ZNF362: variants seen among roughly 807,000 people sequenced by gnomAD.
The protein encoded by ZNF362 is zinc finger protein 362, also known as rotund homolog.
Under a neutral mutation model 42.9 loss-of-function variants are expected in ZNF362, and 11 were observed. The ratio of observed to expected loss-of-function variants is 0.26; its 90% confidence interval spans 0.16 to 0.42. ZNF362 has a LOEUF of 0.42. Ranked by LOEUF, ZNF362 falls within the 20% of genes least tolerant of loss-of-function variation. ZNF362 has a pLI of 1.00. For synonymous variants in ZNF362, 255 were observed against 257.3 expected (o/e 0.99, Z 0.09); for missense variants, 362 against 576.2 (o/e 0.63, Z 3.81).
At chr1:33,167,770 A>G in the ZNF362 span, among the ~76,000 whole-genome samples, 1 of 152,352 alleles carries the variant, frequency 6.6e-6, no homozygotes, top group Non-Finnish European at 1.5e-5. The surrounding 1 kb of genome is among the most constrained non-coding windows in gnomAD (Gnocchi z 4.2). Context: ...GTCTAGTTCA[A>G]TTAATTTTAC....
At chr1:33,213,881 A>ACC in the ZNF362 span, among the ~76,000 whole-genome samples, 1 of 150,166 alleles carries the variant, frequency 6.7e-6, no homozygotes, top group Non-Finnish European at 1.5e-5. Flanking sequence ...ACAAAACAAA[A>ACC]AAAACAAAAC....
the ZNF362 span, among the ~76,000 whole-genome samples, chr1:33,193,305 T>A: frequency 1.3e-5 from 2 of 152,208 alleles, no homozygotes; most frequent in African/African-American, 2.4e-5. Flanking sequence ...GCAGTGATGT[T>A]TGGGGGAACC....
chr1:33,216,361 G>C, the ZNF362 span, among the ~76,000 whole-genome samples: 7 of 146,512 alleles, frequency 4.8e-5, no homozygotes, highest in Admixed American at 3.5e-4. Flanking sequence ...CAGCATTTTG[G>C]GAGGCTGAAG....
At chr1:33,222,848 A>G in the ZNF362 span, among the ~76,000 whole-genome samples, 1 of 151,958 alleles carries the variant, frequency 6.6e-6, no homozygotes, top group African/African-American at 2.4e-5. Flanking sequence ...TTGAATTCCC[A>G]TGTGTTGTGA....
the ZNF362 span, among the ~76,000 whole-genome samples, chr1:33,141,171 C>T: frequency 6.6e-6 from 1 of 152,042 alleles, no homozygotes; most frequent in Non-Finnish European, 1.5e-5. Context: ...TTGCCCCCTC[C>T]TTCTCCTCTC....
At chr1:33,146,101 A>G in the ZNF362 span, 2 of 297,024 alleles carry the variant, frequency 6.7e-6, 1 homozygote, top group South Asian at 5.6e-5. Context: ...GTCACAACAG[A>G]CATGATGAAT....
At chr1:33,132,402 CTG>C in the ZNF362 span, among the ~76,000 whole-genome samples, 2 of 152,258 alleles carry the variant, frequency 1.3e-5, no homozygotes, top group Non-Finnish European at 2.9e-5. Flanking sequence ...TTGGACATGG[CTG>C]TGTTTCAGTG....
At chr1:33,192,771 C>T in the ZNF362 span, among the ~76,000 whole-genome samples, 1 of 152,098 alleles carries the variant, frequency 6.6e-6, no homozygotes, top group Non-Finnish European at 1.5e-5. Flanking sequence ...ACAACCTGCA[C>T]CTACATCTGA....
At chr1:33,173,192 C>T in the ZNF362 span, among the ~76,000 whole-genome samples, 8 of 152,286 alleles carry the variant, frequency 5.3e-5, no homozygotes, top group African/African-American at 1.9e-4. Context: ...GAGCCCCAAC[C>T]CTCCCTGTGC....
chr1:33,193,423 C>G, the ZNF362 span, among the ~76,000 whole-genome samples: 1 of 152,116 alleles, frequency 6.6e-6, no homozygotes, highest in African/African-American at 2.4e-5. Flanking sequence ...CACAGGACTT[C>G]TATAGAAAAC....
chr1:33,183,910 G>C, the ZNF362 span, among the ~76,000 whole-genome samples: 722 of 152,258 alleles, frequency 4.7e-3, 2 homozygotes, highest in South Asian at 5.4e-3. Flanking sequence ...GCATAAGCCA[G>C]TTTAACAGTA....
Position 33,275,166 on chromosome 1 carries a change from C to T in ZNF362, c.39-934C>T, listed in dbSNP as rs548233197. 5 of 985,286 alleles carry T rather than the reference C, an allele frequency of 5.1e-6. No individual in the cohort carries two copies. The African/African-American group carries it at 8.7e-5, about 17-fold the overall frequency. The allele number at this position is 985,286 out of a possible 1,614,324, so 61.0% of individuals were successfully genotyped here. On this transcript the variant is annotated intron_variant, in intron 2 of 8. Transcript: ENST00000539719. ...GACAGGGAGCAAGACTTAATGGAAA[C>T]CCTCTGTGAGGCATGGTCCCTGTAA...
chr1:33,236,546 A>AT, the ZNF362 span, among the ~76,000 whole-genome samples: 236 of 7,262 alleles, frequency 0.032, 4 homozygotes, highest in African/African-American at 0.048. Context: ...AAAAAAAAAA[A>AT]AAAAATATAT....
At chr1:33,159,749 C>T in the ZNF362 span, 1 of 1,613,308 alleles carries the variant, frequency 6.2e-7, no homozygotes, top group Non-Finnish European at 8.5e-7. This position sits in a 1 kb window ranked among gnomAD's most constrained non-coding sequence, Gnocchi z 4.2. Flanking sequence ...GCCAGCCGCT[C>T]CTGCAGGATC....
intron 1 of ZNF362, among the ~76,000 whole-genome samples, chr1:33,264,539 G>A (rs1645852816): frequency 6.6e-6 from 1 of 152,190 alleles, no homozygotes; most frequent in African/African-American, 2.4e-5. Flanking sequence ...TGAGAAAATT[G>A]AGGCTTGGAG....
At position 33,294,348 on chromosome 1, in the gene ZNF362, G is replaced by A. The variant is rs1646101710; in HGVS notation, c.909-589G>A. Among the ~76,000 whole-genome samples, 1 of 152,210 alleles carries A rather than the reference G, an allele frequency of 6.6e-6. No homozygotes were observed. Among genetic ancestry groups the A allele is most frequent in the African/African-American group, 2.4e-5 (1 of 41,456 alleles). The stretch of plus-strand genomic sequence containing the variant: ...TAATAGCCAGGATGAGAACCCAGGA[G>A]TGGCAGGGACAGAAGGAGCTCTCAG... On this transcript the variant is annotated intron_variant, in intron 6 of 8. Transcript: ENST00000539719. This position sits in a 1 kb window ranked among gnomAD's most constrained non-coding sequence, Gnocchi z 4.2.
chr1:33,168,088 G>A, the ZNF362 span, among the ~76,000 whole-genome samples: 1 of 152,184 alleles, frequency 6.6e-6, no homozygotes, highest in Non-Finnish European at 1.5e-5. Context: ...GGGACTTTAG[G>A]TAGGGTGGCC....
At chr1:33,185,807 G>T in the ZNF362 span, among the ~76,000 whole-genome samples, 2 of 152,026 alleles carry the variant, frequency 1.3e-5, no homozygotes, top group African/African-American at 2.4e-5. Context: ...CTATTGTTGA[G>T]TGAGAAAAAG....
At chr1:33,257,048 A>T (rs1427623889) in intron 1 of ZNF362, among the ~76,000 whole-genome samples, 22 of 152,166 alleles carry the variant, frequency 1.4e-4, no homozygotes, top group Admixed American at 1.4e-3. Context: ...CGGTTCGCGC[A>T]CTTTGCAGCC....
Sources: gnomAD v4.1 joint callset for allele counts (sites outside exome capture counted in the v4.1 genomes callset) on GRCh38, gnomAD v4.1.1 for gene constraint, Gnocchi (gnomAD v3.1) non-coding constraint, MANE v1.5 for transcripts, NCBI Gene and HGNC (gene_info 2026-07-23, HGNC 2026-07-21) for gene names.